The following ELL variants were observed in gnomAD, a reference collection of about 807,000 sequenced individuals.
The protein encoded by ELL is elongation factor for RNA polymerase II, also known as RNA polymerase II elongation factor ELL.
In ELL, 18 loss-of-function variants were observed where a neutral mutation model predicts 64.0. The observed-to-expected ratio is 0.28, with a 90% confidence interval of 0.19 to 0.42. The LOEUF is 0.42. ELL is among the 10% of genes least tolerant of loss of function. ELL has a pLI of 1.00. For synonymous variants in ELL, 399 were observed against 376.2 expected (o/e 1.06, Z -0.70); for missense variants, 797 against 870.4 (o/e 0.92, Z 1.06).
In ELL at chr19:18,444,683, T is replaced by A. The variant is rs548206831; in HGVS notation, c.*69A>T. 579 of 1,455,392 alleles carry A rather than the reference T, an allele frequency of 4.0e-4. 3 individuals carry two copies. The highest frequency in any genetic ancestry group is 3.4e-3 in the Middle Eastern group (19 of 5,572). 90.2% of individuals were successfully genotyped at this position (1,455,392 alleles called of 1,614,324 possible). ...AGCATCTTCCTCGGGTTTATTTTTTTAAATAAATCCTCTCTCACCGCCTTT... is the reference window on the plus strand; with the variant it reads ...AGCATCTTCCTCGGGTTTATTTTTTAAAATAAATCCTCTCTCACCGCCTTT... On this transcript the variant is annotated 3_prime_UTR_variant, in exon 12 of 12. Transcript: ENST00000262809.
intron 1 of ELL, among the ~76,000 whole-genome samples, chr19:18,477,187 T>C (rs1975194561): frequency 1.3e-5 from 2 of 151,994 alleles, no homozygotes; most frequent in Admixed American, 6.6e-5. Context: ...ACGAGGGGCT[T>C]CTGGAGCTGA....
At chr19:18,465,759 G>A (rs973831564) in intron 3 of ELL, 38 bp downstream of exon 3, 4 of 1,424,120 alleles carry the variant, frequency 2.8e-6, no homozygotes, top group Non-Finnish European at 3.7e-6. Context: ...GTGACCTCAA[G>A]AGCCGGCGGG....
At position 18,506,983 on chromosome 19, in the gene ELL, G is replaced by A. The variant is rs151008183; in HGVS notation, c.135+14938C>T. Among the ~76,000 whole-genome samples the A allele has an allele frequency of 3.9e-3, 596 of 152,278 alleles. 5 individuals carry two copies. The highest frequency in any genetic ancestry group is 0.014 in the African/African-American group (564 of 41,562). ...AGCGATTCCTACATTATGGGGTCAT[G>A]TGGCTCCAGGCACATGGCCCTCGAC... On this transcript the variant is annotated intron_variant, in intron 1 of 11. Transcript: ENST00000262809.
chr19:18,453,146 C>T (rs1285444369), intron 6 of ELL, among the ~76,000 whole-genome samples: 1 of 152,152 alleles, frequency 6.6e-6, no homozygotes, highest in Non-Finnish European at 1.5e-5. Flanking sequence ...TGGTGGTGGG[C>T]ACCTGTAACC....
At chr19:18,463,615 G>A (rs1974876140) in intron 4 of ELL, among the ~76,000 whole-genome samples, 1 of 151,966 alleles carries the variant, frequency 6.6e-6, no homozygotes, top group Non-Finnish European at 1.5e-5. Context: ...TTACAGGTGT[G>A]AGCCACTGCA....
intron 1 of ELL, among the ~76,000 whole-genome samples, chr19:18,473,995 A>G (rs1975121625): frequency 6.6e-6 from 1 of 152,220 alleles, no homozygotes; most frequent in Admixed American, 6.5e-5. Context: ...GAGTCTGGAG[A>G]GGCCTGTCGG....
At chr19:18,456,541 T>A (rs1974679292) in intron 6 of ELL, among the ~76,000 whole-genome samples, 1 of 152,094 alleles carries the variant, frequency 6.6e-6, no homozygotes. Context: ...GACTCTGGCA[T>A]GGGGCTCACA....
chr19:18,493,108 C>T (rs1023443241), intron 1 of ELL, among the ~76,000 whole-genome samples: 5 of 152,116 alleles, frequency 3.3e-5, no homozygotes, highest in African/African-American at 9.7e-5. Flanking sequence ...TCTTCCCCTC[C>T]GAGACCAGAC....
At chr19:18,500,248 C>G (rs953222952) in intron 1 of ELL, among the ~76,000 whole-genome samples, 2 of 137,260 alleles carry the variant, frequency 1.5e-5, no homozygotes, top group Non-Finnish European at 3.1e-5. Flanking sequence ...GGTGACAGAG[C>G]AAGACTCCGT....
Position 18,465,395 on chromosome 19 carries a change from C to T in ELL, c.469+17G>A. Reference sequence around the variant, plus strand: ...GCTGCCCGGCTGCCCTACAGCCCTGCCAAACCCACTGCTCACCCAGGTAGC... The same window carrying T: ...GCTGCCCGGCTGCCCTACAGCCCTGTCAAACCCACTGCTCACCCAGGTAGC... On this transcript the variant is annotated intron_variant, in intron 4 of 11. Coordinates refer to ENST00000262809, the MANE Select transcript of ELL (RefSeq NM_006532.4). The T allele has an allele frequency of 6.3e-7, 1 of 1,582,820 alleles. No individual in the cohort carries two copies. Among genetic ancestry groups the T allele is most frequent in the Non-Finnish European group, 8.6e-7 (1 of 1,160,694 alleles).
chr19:18,488,272 G>A (rs1470036250), intron 1 of ELL, among the ~76,000 whole-genome samples: 1 of 152,200 alleles, frequency 6.6e-6, no homozygotes, highest in Non-Finnish European at 1.5e-5. Context: ...CCGTCCTTCA[G>A]AGCAAACGGC....
intron 1 of ELL, among the ~76,000 whole-genome samples, chr19:18,509,124 AT>A (rs778324152): frequency 1.4e-4 from 22 of 151,920 alleles, no homozygotes; most frequent in Non-Finnish European, 2.9e-4. Flanking sequence ...CGGGAATAAT[AT>A]TTCAGAGTAG....
chr19:18,454,437 A>G (rs1974611047), intron 6 of ELL, among the ~76,000 whole-genome samples: 1 of 151,810 alleles, frequency 6.6e-6, no homozygotes, highest in African/African-American at 2.4e-5. Context: ...AGGCGGAGCT[A>G]GCAGTGAGCC....
At chr19:18,455,643 C>T (rs559455666) in intron 6 of ELL, among the ~76,000 whole-genome samples, 11 of 151,924 alleles carry the variant, frequency 7.2e-5, no homozygotes, top group African/African-American at 2.7e-4. Context: ...GTCAGGAGTT[C>T]AAGACCAGTC....
rs148993721 is a variant in ELL, at chr19:18,519,429, C to T, written c.135+2492G>A. Among the ~76,000 whole-genome samples, 611 of 152,250 alleles carry T rather than the reference C, an allele frequency of 4.0e-3. 4 individuals are homozygous for T. Among genetic ancestry groups the T allele is most frequent in the African/African-American group, 0.014 (579 of 41,538 alleles). ...CAAGCCACCTTCCTCAAGCTCACTA[C>T]CCAAAACCACAGAGAGCACGGAGCT... On this transcript the variant is annotated intron_variant, in intron 1 of 11. Coordinates refer to ENST00000262809, the MANE Select transcript of ELL (RefSeq NM_006532.4).
At chr19:18,487,135 C>A (rs1275403570) in intron 1 of ELL, among the ~76,000 whole-genome samples, 1 of 152,176 alleles carries the variant, frequency 6.6e-6, no homozygotes, top group Non-Finnish European at 1.5e-5. Flanking sequence ...CACCAGGAGA[C>A]CCCCTGAGAA....
Position 18,483,898 on chromosome 19 carries a change from C to T in ELL, c.136-11016G>A, listed in dbSNP as rs556065945. Among the ~76,000 whole-genome samples, 9 of 152,366 alleles carry T rather than the reference C, an allele frequency of 5.9e-5. No homozygotes were observed. The South Asian group carries it at 1.2e-3, about 21-fold the overall frequency. On this transcript the variant is annotated intron_variant, in intron 1 of 11. Transcript: ENST00000262809. ...CTCCAGGCATGGCCCAGGCCTGCTT[C>T]CAGGACAGTGCATCTCAGAGCCATG...
rs1308691140 is a variant in ELL, at chr19:18,520,603, G to A, written c.135+1318C>T. Among the ~76,000 whole-genome samples the A allele has an allele frequency of 4.6e-5, 7 of 152,034 alleles. No individual in the cohort carries two copies. In the East Asian group the frequency reaches 1.2e-3, roughly 25 times the overall value. ...TGGGCACCGGGAGAGTGGTGGAAAC[G>A]AAACAGGGGGAAGAAATTCTCGGCT... is the stretch of plus-strand genomic sequence containing the variant. On this transcript the variant is annotated intron_variant, in intron 1 of 11. Transcript: ENST00000262809.
chr19:18,451,657 G>A lies in ELL; in HGVS notation c.870-9C>T. ...GTGGCTGGCACAGCTTCCTGCGAAG[G>A]AGAGGCAGGGCTAGGTCAGAAGGTG... On this transcript the variant is annotated splice_polypyrimidine_tract_variant and intron_variant, in intron 6 of 11. Coordinates refer to ENST00000262809, the MANE Select transcript of ELL (RefSeq NM_006532.4). 1.3e-6 allele frequency: 2 copies of A among 1,491,628 alleles called. No homozygotes were observed. The highest frequency in any genetic ancestry group is 1.3e-5 in the South Asian group (1 of 77,808). 92.4% of individuals were successfully genotyped at this position (1,491,628 alleles called of 1,614,324 possible). A position where few individuals can be genotyped will look rare whatever the true frequency, so the allele number is the denominator to read the frequency against.
Sources: gnomAD v4.1 joint callset for allele counts (sites outside exome capture counted in the v4.1 genomes callset) on GRCh38, gnomAD v4.1.1 for gene constraint, MANE v1.5 for transcripts, NCBI Gene and HGNC (gene_info 2026-07-23, HGNC 2026-07-21) for gene names.